Variants in NOL4L observed in about 807,000 individuals in gnomAD.
NOL4L encodes the protein nucleolar protein 4 like, also known as nucleolar protein 4-like.
In NOL4L, 7 loss-of-function variants were observed where a neutral mutation model predicts 64.5. The ratio of observed to expected loss-of-function variants is 0.11; its 90% CI spans 0.06 to 0.20. The LOEUF is 0.20. NOL4L is among the 10% of genes least tolerant of loss of function. The pLI, the probability that NOL4L is intolerant of heterozygous loss-of-function variation, is 1.00. For missense variants in NOL4L, 680 were observed against 967.1 expected, an observed-to-expected ratio of 0.70 and a Z score of 3.94; for synonymous variants, 413 against 401.0, an observed-to-expected ratio of 1.03 and a Z score of -0.36.
chr20:32,470,233 C>T (rs1275492119), intron 5 of NOL4L, among the ~76,000 whole-genome samples: 1 of 152,240 alleles, frequency 6.6e-6, no homozygotes, highest in Non-Finnish European at 1.5e-5. Context: ...ACATTTTCCG[C>T]TCAGGAAGGG....
chr20:32,582,410 G>A (rs966926027), intron 1 of NOL4L, among the ~76,000 whole-genome samples: 2 of 152,172 alleles, frequency 1.3e-5, no homozygotes, highest in Admixed American at 6.5e-5. Context: ...CAGCTGGGCC[G>A]GCAGGACCTG....
At chr20:32,528,030 GT>G in intron 1 of NOL4L, 117 bp from the exon 2 acceptor site, 2 of 750,794 alleles carry the variant, frequency 2.7e-6, no homozygotes, top group Non-Finnish European at 2.0e-6. Flanking sequence ...GGGTCTTGGG[GT>G]GGGGAGGGGA....
chr20:32,468,916 A>AG (rs2014781426), intron 5 of NOL4L, among the ~76,000 whole-genome samples: 38 of 144,654 alleles, frequency 2.6e-4, no homozygotes, highest in Admixed American at 7.0e-4. Context: ...AAAAAAAAAA[A>AG]AAAAGAAAGA....
intron 1 of NOL4L, among the ~76,000 whole-genome samples, chr20:32,560,061 T>C (rs1978911898): frequency 6.6e-6 from 1 of 152,238 alleles, no homozygotes; most frequent in African/African-American, 2.4e-5. Context: ...TCGCAGAGGT[T>C]CTTTTCACAA....
intron 4 of NOL4L, among the ~76,000 whole-genome samples, chr20:32,495,230 T>C (rs957631133): frequency 1.3e-5 from 2 of 152,212 alleles, no homozygotes; most frequent in Non-Finnish European, 2.9e-5. Context: ...ACATCTTCTG[T>C]TTCTATCTTA....
chr20:32,494,043 A>G (rs2016569154), intron 4 of NOL4L, among the ~76,000 whole-genome samples: 2 of 152,134 alleles, frequency 1.3e-5, no homozygotes, highest in African/African-American at 4.8e-5. Flanking sequence ...ACCTGAGGTC[A>G]GGAGTTCAAG....
At chr20:32,524,538 C>T (rs2018059333) in intron 2 of NOL4L, among the ~76,000 whole-genome samples, 1 of 152,200 alleles carries the variant, frequency 6.6e-6, no homozygotes, top group Admixed American at 6.5e-5. Flanking sequence ...CCCTCCTAGG[C>T]CTGGAAAAAT....
At chr20:32,519,451 C>T (rs1409382728) in intron 3 of NOL4L, 2 of 140,788 alleles carry the variant, frequency 1.4e-5, no homozygotes, top group African/African-American at 3.0e-5. Flanking sequence ...GCCCTTCATT[C>T]GAGTCTGTTT....
chr20:32,468,771 C>CAT (rs1568619948), intron 5 of NOL4L, among the ~76,000 whole-genome samples: 1 of 151,280 alleles, frequency 6.6e-6, no homozygotes, highest in Admixed American at 6.6e-5. Flanking sequence ...TGGTGGTGCA[C>CAT]GCCTGTAATC....
chr20:32,578,325 T>C (rs887091213), intron 1 of NOL4L, among the ~76,000 whole-genome samples: 14 of 152,176 alleles, frequency 9.2e-5, no homozygotes, highest in Non-Finnish European at 2.9e-5. Context: ...CTGGCCCTGG[T>C]GGGTGCTGTC....
chr20:32,470,966 G>A (rs1439598208), intron 5 of NOL4L, among the ~76,000 whole-genome samples: 1 of 152,238 alleles, frequency 6.6e-6, no homozygotes, highest in African/African-American at 2.4e-5. Context: ...GGCACTGTGA[G>A]TGGTGCTCCC....
At chr20:32,574,853 T>C (rs1340572021) in intron 1 of NOL4L, among the ~76,000 whole-genome samples, 1 of 152,026 alleles carries the variant, frequency 6.6e-6, no homozygotes, top group Non-Finnish European at 1.5e-5. Context: ...CCTTGGATGC[T>C]GTGCCCCAGA....
chr20:32,520,380 A>T (rs2017882501), intron 3 of NOL4L: 1 of 154,722 alleles, frequency 6.5e-6, no homozygotes, highest in Admixed American at 6.5e-5. Flanking sequence ...ACCAGGGAAG[A>T]TGTATCATTA....
At chr20:32,514,111 A>C (rs2017539640) in intron 3 of NOL4L, among the ~76,000 whole-genome samples, 1 of 152,180 alleles carries the variant, frequency 6.6e-6, no homozygotes, top group Non-Finnish European at 1.5e-5. Flanking sequence ...ATTTTGAATA[A>C]AGTTTTACAG....
intron 3 of NOL4L, 83 bp from the exon 4 acceptor site, chr20:32,511,539 G>A: frequency 2.1e-6 from 2 of 950,978 alleles, no homozygotes; most frequent in East Asian, 5.3e-5. Flanking sequence ...AGAGCCCGTG[G>A]AAGAGGAAGC....
At chr20:32,513,874 A>T (rs1208915275) in intron 3 of NOL4L, among the ~76,000 whole-genome samples, 1 of 152,200 alleles carries the variant, frequency 6.6e-6, no homozygotes, top group African/African-American at 2.4e-5. Flanking sequence ...AAACAAAATT[A>T]TTAAAAAGGC....
intron 4 of NOL4L, among the ~76,000 whole-genome samples, chr20:32,503,962 G>T (rs553993552): frequency 1.3e-5 from 2 of 151,988 alleles, no homozygotes; most frequent in South Asian, 4.2e-4. Flanking sequence ...ATTTAAGAAG[G>T]CCCATCTGAG....
intron 1 of NOL4L, among the ~76,000 whole-genome samples, chr20:32,542,866 G>C (rs1030911488): frequency 6.6e-6 from 1 of 152,188 alleles, no homozygotes; most frequent in Non-Finnish European, 1.5e-5. Flanking sequence ...CCTTGGGCAC[G>C]TGACTTAACC....
intron 1 of NOL4L, chr20:32,535,951 G>A: frequency 3.0e-6 from 3 of 985,702 alleles, no homozygotes; most frequent in Non-Finnish European, 3.6e-6. Context: ...GGCGGGGGCA[G>A]GGAGAGGGTC....
Sources: allele counts gnomAD v4.1 joint callset (sites outside exome capture counted in the v4.1 genomes callset), GRCh38; gene constraint gnomAD v4.1.1; transcripts MANE v1.5; gene names NCBI Gene and HGNC (gene_info 2026-07-23, HGNC 2026-07-21).